CIITA: variants seen among roughly 807,000 people sequenced by gnomAD.
CIITA encodes class II major histocompatibility complex transactivator, also known as MHC class II transactivator.
A neutral mutation model predicts 115.1 loss-of-function variants in CIITA; 72 were observed. The observed-to-expected ratio is 0.63, with a 90% CI of 0.52 to 0.76. The LOEUF is 0.76. Ranked by LOEUF, CIITA falls within the 30% of genes least tolerant of loss-of-function variation. CIITA has a pLI of 0.00. For missense variants in CIITA, 1,617 were observed against 1,463.8 expected (o/e 1.10, Z -1.71); for synonymous variants, 763 against 635.6 (o/e 1.20, Z -3.02).
rs1354748416 is a variant in CIITA, at chr16:10,909,204, A to T, written c.2816+17A>T. The T allele has an allele frequency of 6.2e-7, 1 of 1,613,690 alleles. No homozygotes were observed. The highest frequency in any genetic ancestry group is 1.1e-5 in the South Asian group (1 of 91,078). On this transcript the variant is annotated intron_variant, in intron 12 of 19. Transcript: ENST00000324288. ...GACTCAGAGGTGAGAGGAGAGGCGG[A>T]TGGGAGGTGGTTCACGCCATGCAGG...
At chr16:10,892,422 C>A (rs2037691672) in intron 1 of CIITA, among the ~76,000 whole-genome samples, 1 of 152,148 alleles carries the variant, frequency 6.6e-6, no homozygotes, top group South Asian at 2.1e-4. Context: ...CTCTTCTGGG[C>A]CCAGAACAGG....
intron 1 of CIITA, among the ~76,000 whole-genome samples, chr16:10,894,394 C>G (rs998586390): frequency 6.6e-6 from 1 of 151,926 alleles, no homozygotes; most frequent in African/African-American, 2.4e-5. Flanking sequence ...TATATTTTGG[C>G]TATTTTGAAT....
rs199476072 is a variant in CIITA, at chr16:10,907,848, C to A, written c.2356C>A (p.Gln786Lys). Residue 786 changes from glutamine to lysine, a missense_variant, in exon 11 of 20, where the codon CAG becomes AAG. Physicochemically the swap from Gln to Lys is moderately conservative, Grantham distance 53 (BLOSUM62 1). Coordinates refer to ENST00000324288, the MANE Select transcript of CIITA (RefSeq NM_000246.4). The surrounding 1 kb of genome is among the most constrained non-coding windows in gnomAD (Gnocchi z 5.0). Reference protein sequence around the residue: ...PSAAASVDRKQKVLARYLKRL... With the variant: ...PSAAASVDRKKKVLARYLKRL... ...GGCGGCTGCCTCGGTGGACAGGAAG[C>A]AGAAGGTGCTTGCGAGGTACCTGAA... is the stretch of plus-strand genomic sequence containing the variant. 6 of 1,612,966 alleles carry A rather than the reference C, an allele frequency of 3.7e-6. No homozygotes were observed. In the East Asian group the frequency reaches 1.1e-4, roughly 30 times the overall value.
chr16:10,867,323 T>TGC (rs1555492085), intron 1 of CIITA, among the ~76,000 whole-genome samples: 3 of 142,726 alleles, frequency 2.1e-5, no homozygotes, highest in South Asian at 2.3e-4. Context: ...CTGTGTGTGT[T>TGC]GGGGGGGGGC....
chr16:10,910,090 G>C (rs1360810569), intron 12 of CIITA, 98 bp from the exon 13 acceptor site: 3 of 970,076 alleles, frequency 3.1e-6, no homozygotes, highest in Non-Finnish European at 4.9e-6. Flanking sequence ...CAATCCCCCT[G>C]GGGAATTTGG....
chr16:10,919,503 C>CTTACTTATTTATTTAT (rs144915657), intron 16 of CIITA, among the ~76,000 whole-genome samples: 1 of 149,202 alleles, frequency 6.7e-6, no homozygotes, highest in African/African-American at 2.5e-5. Context: ...GCCCGGCCAA[C>CTTACTTATTTATTTAT]TTATTTATTT....
In CIITA at chr16:10,877,370, T is replaced by A. The variant is rs1312697588; in HGVS notation, c.40T>A (p.Ser14Thr). The A allele has an allele frequency of 6.2e-7, 1 of 1,613,154 alleles. No individual in the cohort carries two copies. The highest frequency in any genetic ancestry group is 8.5e-7 in the Non-Finnish European group (1 of 1,179,590). Residue 14 changes from serine to threonine, a missense_variant, in exon 1 of 20, where the codon TCA (serine) becomes ACA (threonine). Ser to Thr is a moderately conservative substitution (Grantham distance 58). Transcript: ENST00000324288. ...LAPRPAGSYLSEPQGSSQCAT... is the reference protein window; with the variant it reads ...LAPRPAGSYLTEPQGSSQCAT... ...TCCACGCCCTGCTGGGTCCTACCTG[T>A]CAGAGCCCCAAGGTAAAAAGGCCGG...
In CIITA at chr16:10,912,116, G is replaced by A. The variant is rs75623220; in HGVS notation, c.2888+1857G>A. Reference sequence around the variant, plus strand: ...GAGTTGTTATGCCTGTGGTATATTCGGTGCTGTTTTTTTTTGGAGATGGGG... The same window carrying A: ...GAGTTGTTATGCCTGTGGTATATTCAGTGCTGTTTTTTTTTGGAGATGGGG... On this transcript the variant is annotated intron_variant, in intron 13 of 19. Coordinates refer to ENST00000324288, the MANE Select transcript of CIITA (RefSeq NM_000246.4). 7.0e-3 allele frequency among the ~76,000 whole-genome samples: 1,062 copies of A among 152,028 alleles called. 12 individuals are homozygous for A. Among genetic ancestry groups the A allele is most frequent in the African/African-American group, 0.024 (1,014 of 41,448 alleles).
intron 15 of CIITA, 116 bp from the exon 16 acceptor site, chr16:10,918,324 G>A: frequency 5.4e-6 from 5 of 930,960 alleles, no homozygotes; most frequent in Non-Finnish European, 8.9e-6. Context: ...TTACCGAGAG[G>A]TAGCTTAAGT....
chr16:10,900,594 G>A (rs932296735), intron 5 of CIITA, among the ~76,000 whole-genome samples: 16 of 152,078 alleles, frequency 1.1e-4, no homozygotes, highest in Non-Finnish European at 1.9e-4. Flanking sequence ...ACAAAAATTA[G>A]CCAGGCGTGG....
Position 10,923,368 on chromosome 16 carries a change from G to C in CIITA, c.*22+43G>C. The stretch of plus-strand genomic sequence containing the variant: ...GGGAGGGGAGAGCCGCAGTGGGTTG[G>C]GGGCAGTGTCCTTGTGAAGGTGGCA... On this transcript the variant is annotated intron_variant, in intron 19 of 19. Coordinates refer to ENST00000324288, the MANE Select transcript of CIITA (RefSeq NM_000246.4). The surrounding 1 kb of genome is among the most constrained non-coding windows in gnomAD (Gnocchi z 5.2). The C allele has an allele frequency of 4.8e-6, 7 of 1,465,768 alleles. No homozygotes were observed. The highest frequency in any genetic ancestry group is 1.1e-5 in the South Asian group (1 of 88,184). The allele number at this position is 1,465,768 out of a possible 1,614,324, so 90.8% of individuals were successfully genotyped here.
intron 1 of CIITA, among the ~76,000 whole-genome samples, chr16:10,885,313 C>A (rs1025978708): frequency 9.2e-5 from 14 of 152,200 alleles, no homozygotes; most frequent in African/African-American, 3.4e-4. Context: ...GCTCATCTGA[C>A]CTCCTGCCCC....
chr16:10,878,730 C>G (rs1206971180), intron 1 of CIITA, among the ~76,000 whole-genome samples: 1 of 152,216 alleles, frequency 6.6e-6, no homozygotes, highest in Non-Finnish European at 1.5e-5. Context: ...GCTCCTGGCC[C>G]GGGGCCTGGG....
At chr16:10,916,724 T>A in intron 15 of CIITA, 1 of 515,182 alleles carries the variant, frequency 1.9e-6, no homozygotes, top group Non-Finnish European at 3.5e-6. Context: ...ATTCACCTAT[T>A]CAATCAGCCA....
chr16:10,940,708 C>T (rs769250089), downstream of CIITA: 8 of 152,386 alleles, frequency 5.2e-5, no homozygotes, highest in Non-Finnish European at 1.0e-4. The surrounding 1 kb of genome is among the most constrained non-coding windows in gnomAD (Gnocchi z 4.2). Flanking sequence ...TTACTCCTTC[C>T]TGGACCTTCA....
intron 1 of CIITA, among the ~76,000 whole-genome samples, chr16:10,867,981 C>T (rs764162858): frequency 9.2e-5 from 14 of 152,086 alleles, no homozygotes; most frequent in East Asian, 5.8e-4. Context: ...AGGCTGCTTG[C>T]GAACCCCTGA....
At position 10,902,762 on chromosome 16, in the gene CIITA, G is replaced by A; in HGVS notation, c.733G>A (p.Glu245Lys). 6.2e-7 allele frequency: 1 copy of A among 1,614,210 alleles called. No homozygotes were observed. The highest frequency in any genetic ancestry group is 1.1e-5 in the South Asian group (1 of 91,088). ...GCCCCATGGGCTCTGGCAAATCTCTGAGGCTGGAACAGGGGTCTCCAGTAT... is the reference window on the plus strand; with the variant it reads ...GCCCCATGGGCTCTGGCAAATCTCTAAGGCTGGAACAGGGGTCTCCAGTAT... ...TLPHGLWQIS[E>K]AGTGVSSIFI... Residue 245 changes from glutamate (E) to lysine (K), a missense_variant, in exon 8 of 20, where the codon GAG (glutamate) becomes AAG (lysine). Transcript: ENST00000324288.
chr16:10,904,771 C>T lies in CIITA; in HGVS notation c.965C>T (p.Pro322Leu), dbSNP rs74806537. ...CACAAGACGTCCCCCACCCAATGCCCGGCAGCTGGAGAGGTCTCCAACAAG... is the reference window on the plus strand; with the variant it reads ...CACAAGACGTCCCCCACCCAATGCCTGGCAGCTGGAGAGGTCTCCAACAAG... ...TEHKTSPTQC[P>L]AAGEVSNKLP... The change falls in exon 10 of 20, where the codon CCG becomes CTG. Residue 322 changes from proline (P) to leucine (L), a missense_variant. Physicochemically the swap from Pro to Leu is moderately conservative, Grantham distance 98. Transcript: ENST00000324288. 76 of 1,614,098 alleles carry T rather than the reference C, an allele frequency of 4.7e-5. No homozygotes were observed. Among genetic ancestry groups the T allele is most frequent in the African/African-American group, 2.1e-4 (16 of 75,036 alleles).
chr16:10,895,791 G>T lies in CIITA; in HGVS notation c.295+27G>T, dbSNP rs756508848. On this transcript the variant is annotated intron_variant, in intron 3 of 19. Transcript: ENST00000324288. Reference sequence around the variant, plus strand: ...TGAGGAAGCACCTGAGCCCAGAAAAGGACAATCAAGGGCAAGAGTTCTTTG... The same window carrying T: ...TGAGGAAGCACCTGAGCCCAGAAAATGACAATCAAGGGCAAGAGTTCTTTG... The T allele has an allele frequency of 1.9e-5, 30 of 1,608,482 alleles. 1 individual carries two copies. In the South Asian group the frequency reaches 2.8e-4, roughly 15 times the overall value.
Sources: allele counts gnomAD v4.1 joint callset (sites outside exome capture counted in the v4.1 genomes callset), GRCh38; gene constraint gnomAD v4.1.1; non-coding constraint Gnocchi (gnomAD v3.1); transcripts MANE v1.5; gene names NCBI Gene and HGNC (gene_info 2026-07-23, HGNC 2026-07-21).